The following USP42 variants were observed in gnomAD, a reference collection of about 807,000 sequenced individuals.
The protein encoded by USP42 is ubiquitin carboxyl-terminal hydrolase 42.
In USP42, 23 loss-of-function variants were observed where a neutral mutation model predicts 113.0. That is an observed-to-expected ratio of 0.20 (90% CI 0.15 to 0.29). USP42 has a LOEUF of 0.29. Among genes scored for constraint, USP42 ranks in the 10% least tolerant of loss-of-function variants. The pLI is 1.00. For missense variants in USP42, 2,174 were observed against 1,779.8 expected (o/e 1.22, Z -3.99); for synonymous variants, 933 against 699.0 (o/e 1.33, Z -5.28).
the USP42 span, among the ~76,000 whole-genome samples, chr7:6,097,386 C>CTTTT: frequency 1.0e-4 from 11 of 108,426 alleles, no homozygotes; most frequent in Admixed American, 2.1e-4. Flanking sequence ...CCTGTGGGTC[C>CTTTT]TTTTTTTTTT....
chr7:6,103,176 G>C (rs1304507117), upstream of USP42, among the ~76,000 whole-genome samples: 6 of 151,016 alleles, frequency 4.0e-5, no homozygotes, highest in Non-Finnish European at 8.8e-5. Context: ...GCCAATAAAT[G>C]ATTGGATGTG....
At chr7:6,109,625 C>G (rs945341852) in intron 1 of USP42, among the ~76,000 whole-genome samples, 1 of 151,328 alleles carries the variant, frequency 6.6e-6, no homozygotes, top group African/African-American at 2.4e-5. Context: ...AACTCCTGGA[C>G]TCAAGTGATC....
chr7:6,136,801 G>A (rs188300263), intron 4 of USP42, among the ~76,000 whole-genome samples: 2 of 151,352 alleles, frequency 1.3e-5, no homozygotes, highest in African/African-American at 4.8e-5. Context: ...CTCTTTTTTC[G>A]GTTCTTCTTT....
In USP42 at chr7:6,153,868, A is replaced by G. The variant is rs765131139; in HGVS notation, c.2314A>G (p.Thr772Ala). The change falls in exon 15 of 18, where the codon ACC becomes GCC. Residue 772 changes from threonine to alanine, a missense_variant. By Grantham distance (58) the Thr-to-Ala change is moderately conservative (BLOSUM62 0). Coordinates refer to ENST00000306177, the MANE Select transcript of USP42 (RefSeq NM_032172.3). ...AGATGCGGCCGCCGGCCTCAGCAGC[A>G]CCAAGAAGGCTCCGCCGCCCCGCGA... ...EPDAAAGLSS[T>A]KKAPPPRDPG... The G allele has an allele frequency of 1.9e-6, 3 of 1,558,790 alleles. No individual in the cohort carries two copies. Among genetic ancestry groups the G allele is most frequent in the East Asian group, 4.9e-5 (2 of 41,230 alleles).
At chr7:6,081,491 C>T in the USP42 span, among the ~76,000 whole-genome samples, 3 of 152,210 alleles carry the variant, frequency 2.0e-5, no homozygotes, top group African/African-American at 7.2e-5. Context: ...ACAGCCATTG[C>T]CGTCCACCCC....
At chr7:6,113,897 A>G (rs1465974942) in intron 2 of USP42, among the ~76,000 whole-genome samples, 1 of 152,168 alleles carries the variant, frequency 6.6e-6, no homozygotes, top group Non-Finnish European at 1.5e-5. Flanking sequence ...CTGGGATTAC[A>G]GGCATGAGCC....
chr7:6,120,325 C>T (rs1173953895), intron 3 of USP42, among the ~76,000 whole-genome samples: 1 of 152,170 alleles, frequency 6.6e-6, no homozygotes, highest in African/African-American at 2.4e-5. Context: ...TCACTGTAAC[C>T]TCCACCTCTT....
At chr7:6,110,758 T>C (rs1779557433) in intron 1 of USP42, among the ~76,000 whole-genome samples, 1 of 152,188 alleles carries the variant, frequency 6.6e-6, no homozygotes, top group Non-Finnish European at 1.5e-5. Context: ...TTTTTCTAGT[T>C]TTAAGCAGTA....
Position 6,154,059 on chromosome 7 carries a change from A to T in USP42, c.2505A>T (p.Ala835=). ...TGDASPLSQD[A]KGMIAEGPRD... ...ATGCGAGCCCGTTGTCCCAGGACGC[A>T]AAGGGGATGATCGCGGAGGGCCCGC... The change falls in exon 15 of 18, where the codon GCA becomes GCT. Residue 835 remains alanine, a synonymous_variant. Coordinates refer to ENST00000306177, the MANE Select transcript of USP42 (RefSeq NM_032172.3). 2 of 1,606,132 alleles carry T rather than the reference A, an allele frequency of 1.2e-6. No homozygotes were observed. Among genetic ancestry groups the T allele is most frequent in the Non-Finnish European group, 1.7e-6 (2 of 1,179,324 alleles).
upstream of USP42, among the ~76,000 whole-genome samples, chr7:6,103,556 AGTGT>A (rs772903438): frequency 6.7e-6 from 1 of 149,604 alleles, no homozygotes; most frequent in African/African-American, 2.5e-5. Flanking sequence ...TCTGTAACTC[AGTGT>A]GTGAGTCTGA....
At chr7:6,118,703 A>G (rs986806813) in intron 3 of USP42, among the ~76,000 whole-genome samples, 1 of 151,872 alleles carries the variant, frequency 6.6e-6, no homozygotes, top group African/African-American at 2.4e-5. Flanking sequence ...TTGCATATGG[A>G]TGTTCGGTTG....
At chr7:6,093,841 C>A in the USP42 span, among the ~76,000 whole-genome samples, 545 of 150,986 alleles carry the variant, frequency 3.6e-3, 19 homozygotes, top group Admixed American at 0.034. Flanking sequence ...AGTTAAAAGA[C>A]CTTGTTCATG....
At chr7:6,090,317 A>AATAT in the USP42 span, among the ~76,000 whole-genome samples, 31 of 142,796 alleles carry the variant, frequency 2.2e-4, no homozygotes, top group Admixed American at 5.0e-4. Context: ...AAAAAAAAGA[A>AATAT]ATATATATAT....
At position 6,147,858 on chromosome 7, in the gene USP42, T is replaced by C. The variant is rs746660207; in HGVS notation, c.1352T>C (p.Phe451Ser). The C allele has an allele frequency of 6.2e-7, 1 of 1,612,384 alleles. No individual in the cohort carries two copies. The change falls in exon 12 of 18, where the codon TTT becomes TCT. Residue 451 changes from phenylalanine (F) to serine (S), a missense_variant. Phe to Ser is a radical substitution (Grantham distance 155). Coordinates refer to ENST00000306177, the MANE Select transcript of USP42 (RefSeq NM_032172.3). ...VVTNKQAAPG[F>S]IGPQLPSHMI... The stretch of plus-strand genomic sequence containing the variant: ...ACCAACAAACAGGCTGCGCCAGGCT[T>C]TATCGGACCACAGCTTCCCTCTCAC...
chr7:6,145,660 A>C lies in USP42; in HGVS notation c.1131+4A>C, dbSNP rs777706556. On this transcript the variant is annotated splice_donor_region_variant and intron_variant, in intron 10 of 17. Coordinates refer to ENST00000306177, the MANE Select transcript of USP42 (RefSeq NM_032172.3). ...CCATTACTTCTGCTACATAAAAGTA[A>C]GCTGTGCAGATTTGCTATTAACTAT... The C allele has an allele frequency of 6.2e-7, 1 of 1,612,730 alleles. No homozygotes were observed. Among genetic ancestry groups the C allele is most frequent in the East Asian group, 2.2e-5 (1 of 44,878 alleles).
At chr7:6,133,310 A>G (rs1780950747) in intron 3 of USP42, among the ~76,000 whole-genome samples, 1 of 152,012 alleles carries the variant, frequency 6.6e-6, no homozygotes, top group Non-Finnish European at 1.5e-5. Context: ...TTACCTTCAG[A>G]CTCTAATGAT....
the USP42 span, among the ~76,000 whole-genome samples, chr7:6,084,871 A>C: frequency 2.7e-5 from 4 of 150,314 alleles, no homozygotes; most frequent in Non-Finnish European, 4.4e-5. Flanking sequence ...GGTGTGTGCC[A>C]TCATGCCTGG....
chr7:6,126,399 C>A (rs577255465), intron 3 of USP42, among the ~76,000 whole-genome samples: 26 of 152,284 alleles, frequency 1.7e-4, no homozygotes, highest in African/African-American at 5.8e-4. Context: ...ATTCTCCTGC[C>A]TCAGCCTCCC....
At chr7:6,116,986 C>T (rs956396388) in intron 3 of USP42, 2 of 430,158 alleles carry the variant, frequency 4.6e-6, no homozygotes, top group Non-Finnish European at 9.2e-6. Flanking sequence ...TGCTTCCTCC[C>T]TCCCTCCCTT....
Sources: gnomAD v4.1 joint callset for allele counts (sites outside exome capture counted in the v4.1 genomes callset) on GRCh38, gnomAD v4.1.1 for gene constraint, MANE v1.5 for transcripts, NCBI Gene and HGNC (gene_info 2026-07-23, HGNC 2026-07-21) for gene names.